AGBL1: variants seen among roughly 807,000 people sequenced by gnomAD.
AGBL1 encodes the protein cytosolic carboxypeptidase 4.
Under a neutral mutation model 118.9 loss-of-function variants are expected in AGBL1, and 130 were observed. The observed-to-expected ratio is 1.09, with a 90% confidence interval of 0.95 to 1.26. The LOEUF (loss-of-function observed/expected upper bound fraction) is 1.26. Among genes scored for constraint, AGBL1 ranks in the 50% most tolerant of loss-of-function variants. The pLI, the probability that AGBL1 is intolerant of heterozygous loss-of-function variation, is 0.00. For missense variants in AGBL1, 1,584 were observed against 1,298.1 expected, an observed-to-expected ratio of 1.22 and a Z score of -3.38; for synonymous variants, 555 against 478.9, an observed-to-expected ratio of 1.16 and a Z score of -2.08.
At chr15:86,559,479 A>C (rs1228742265) in intron 21 of AGBL1, among the ~76,000 whole-genome samples, 1 of 152,112 alleles carries the variant, frequency 6.6e-6, no homozygotes. Context: ...ATTTTCTTGG[A>C]ACATCTTGGA....
chr15:86,843,870 G>C (rs2079282062), intron 22 of AGBL1, among the ~76,000 whole-genome samples: 1 of 151,978 alleles, frequency 6.6e-6, no homozygotes, highest in Admixed American at 6.5e-5. Flanking sequence ...TATTTTCCTT[G>C]TGTCCGCCAG....
At chr15:86,261,763 C>G in intron 9 of AGBL1, among the ~76,000 whole-genome samples, 1 of 152,042 alleles carries the variant, frequency 6.6e-6, no homozygotes, top group African/African-American at 2.4e-5. Flanking sequence ...TCACCATCAT[C>G]ATTAAAAGGT....
In AGBL1 at chr15:86,390,660, A is replaced by ATTTTTTT. The variant is rs756052402; in HGVS notation, c.2375-6686_2375-6680dup. ...AGGCAGAAAAGTTATATACTGTATG[A>ATTTTTTT]TTTTTTTTTTTTTTTTTTTTTTTTT... On this transcript the variant is annotated intron_variant, in intron 17 of 22. Coordinates refer to ENST00000614907, the MANE Select transcript of AGBL1 (RefSeq NM_001386094.1). 6.8e-4 allele frequency among the ~76,000 whole-genome samples: 51 copies of ATTTTTTT among 75,468 alleles called. 6 individuals are homozygous for ATTTTTTT. The highest frequency in any genetic ancestry group is 2.4e-3 in the African/African-American group (46 of 18,982). The allele number at this position is 75,468 out of a possible 152,430, so 49.5% of individuals were successfully genotyped here.
intron 18 of AGBL1, among the ~76,000 whole-genome samples, chr15:86,498,153 T>G (rs2142155349): frequency 6.6e-6 from 1 of 152,062 alleles, no homozygotes. Context: ...CAGGGAGACA[T>G]AACACATTAA....
At chr15:86,096,347 G>A (rs528441423) in intron 1 of AGBL1, among the ~76,000 whole-genome samples, 5 of 152,056 alleles carry the variant, frequency 3.3e-5, no homozygotes, top group Non-Finnish European at 7.4e-5. Flanking sequence ...AGACTTGAAC[G>A]GACATTTCCC....
At chr15:86,215,224 C>CGT (rs1555449552) in intron 5 of AGBL1, among the ~76,000 whole-genome samples, 21,579 of 113,718 alleles carry the variant, frequency 0.19, 1,737 homozygotes, top group African/African-American at 0.25. Context: ...TATATGTATG[C>CGT]GTGTGTGTGT....
chr15:86,142,525 C>A (rs890415896), intron 2 of AGBL1, among the ~76,000 whole-genome samples: 1 of 152,222 alleles, frequency 6.6e-6, no homozygotes, highest in African/African-American at 2.4e-5. Flanking sequence ...TGCTTCTATT[C>A]GCTCAAGTTC....
intron 15 of AGBL1, among the ~76,000 whole-genome samples, chr15:86,272,843 C>G (rs1313772083): frequency 2.6e-5 from 4 of 152,036 alleles, no homozygotes; most frequent in Non-Finnish European, 5.9e-5. Context: ...AATATTATGA[C>G]TTTGTTGGTT....
At chr15:86,223,176 G>C (rs987531474) in intron 5 of AGBL1, among the ~76,000 whole-genome samples, 2 of 151,994 alleles carry the variant, frequency 1.3e-5, no homozygotes. Flanking sequence ...CCCACCACTA[G>C]TCTGTCTCAT....
intron 18 of AGBL1, among the ~76,000 whole-genome samples, chr15:86,412,436 C>T (rs887431234): frequency 6.6e-6 from 1 of 152,090 alleles, no homozygotes; most frequent in Non-Finnish European, 1.5e-5. Context: ...ATTTGAGTTG[C>T]TTCTCTTTCT....
intron 4 of AGBL1, among the ~76,000 whole-genome samples, chr15:86,158,429 G>A (rs1219415206): frequency 6.6e-6 from 1 of 152,154 alleles, no homozygotes; most frequent in Non-Finnish European, 1.5e-5. Flanking sequence ...GTCCAGTGGA[G>A]GAAAGACAGA....
At chr15:86,170,512 A>G (rs533545276) in intron 5 of AGBL1, among the ~76,000 whole-genome samples, 1 of 152,264 alleles carries the variant, frequency 6.6e-6, no homozygotes, top group African/African-American at 2.4e-5. Flanking sequence ...GTGCATAAGA[A>G]ACATGAAAAA....
chr15:86,821,860 G>C (rs2078947070), intron 22 of AGBL1, among the ~76,000 whole-genome samples: 1 of 152,142 alleles, frequency 6.6e-6, no homozygotes, highest in South Asian at 2.1e-4. Context: ...CTGGCTACTT[G>C]TTCCATCCCA....
intron 22 of AGBL1, among the ~76,000 whole-genome samples, chr15:86,803,396 C>T (rs566725399): frequency 6.6e-6 from 1 of 152,152 alleles, no homozygotes; most frequent in Non-Finnish European, 1.5e-5. Flanking sequence ...GAGGCCTCCC[C>T]AGCCATGTGG....
chr15:86,468,540 C>T lies in AGBL1; in HGVS notation c.2556-54270C>T, dbSNP rs116428341. Among the ~76,000 whole-genome samples, 689 of 152,254 alleles carry T rather than the reference C, an allele frequency of 4.5e-3. 3 individuals are homozygous for T. The highest frequency in any genetic ancestry group is 0.015 in the African/African-American group (642 of 41,548). ...AACACCTGTTATGGACAGACATTGC[C>T]GTTCCTCTTCTTCTGAGGAGAGAAT... On this transcript the variant is annotated intron_variant, in intron 18 of 22. Coordinates refer to ENST00000614907, the MANE Select transcript of AGBL1 (RefSeq NM_001386094.1).
At chr15:86,513,501 A>C (rs1335124544) in intron 18 of AGBL1, among the ~76,000 whole-genome samples, 2 of 152,000 alleles carry the variant, frequency 1.3e-5, no homozygotes, top group Non-Finnish European at 2.9e-5. Context: ...CTCCATCATA[A>C]AGTTACTATT....
intron 21 of AGBL1, among the ~76,000 whole-genome samples, chr15:86,642,665 G>C (rs1053753164): frequency 5.9e-5 from 9 of 151,880 alleles, no homozygotes; most frequent in African/African-American, 2.2e-4. Context: ...TTTACAATCT[G>C]AGTATAAACA....
At chr15:86,653,511 G>C (rs16977889) in intron 21 of AGBL1, among the ~76,000 whole-genome samples, 10,714 of 152,132 alleles carry the variant, frequency 0.07, 518 homozygotes, top group South Asian at 0.088. Context: ...GATGAGCAGC[G>C]CACAATCTAT....
chr15:86,134,989 A>G (rs1013869011), intron 1 of AGBL1, among the ~76,000 whole-genome samples: 1 of 151,948 alleles, frequency 6.6e-6, no homozygotes, highest in African/African-American at 2.4e-5. Flanking sequence ...ACCAAGTCAC[A>G]TGTTGAGATC....
Sources: gnomAD v4.1 joint callset for allele counts (sites outside exome capture counted in the v4.1 genomes callset) on GRCh38, gnomAD v4.1.1 for gene constraint, MANE v1.5 for transcripts, NCBI Gene and HGNC (gene_info 2026-07-23, HGNC 2026-07-21) for gene names.